POFUT3: variants seen among roughly 807,000 people sequenced by gnomAD.
POFUT3 encodes protein O-fucosyltransferase 3.
At chr8:33,322,323 C>G in the POFUT3 span, among the ~76,000 whole-genome samples, 11 of 152,146 alleles carry the variant, frequency 7.2e-5, no homozygotes, top group African/African-American at 2.6e-4. Context: ...CTAAGCTGCT[C>G]CTGAAAATGA....
chr8:33,449,935 CTT>C, the POFUT3 span, among the ~76,000 whole-genome samples: 13 of 112,346 alleles, frequency 1.2e-4, no homozygotes, highest in African/African-American at 2.1e-4. Context: ...TGAAGCTTTT[CTT>C]TTTTTTTTTT....
the POFUT3 span, among the ~76,000 whole-genome samples, chr8:33,454,717 G>T: frequency 4.0e-5 from 6 of 149,652 alleles, no homozygotes; most frequent in Non-Finnish European, 5.9e-5. Context: ...CTGTCACCTG[G>T]GTGCAGTGGC....
At chr8:33,401,504 G>A in the POFUT3 span, among the ~76,000 whole-genome samples, 1 of 152,060 alleles carries the variant, frequency 6.6e-6, no homozygotes, top group Non-Finnish European at 1.5e-5. Context: ...AATTTAAAAA[G>A]AAAATAAATA....
At chr8:33,352,191 T>C in the POFUT3 span, among the ~76,000 whole-genome samples, 7 of 152,278 alleles carry the variant, frequency 4.6e-5, no homozygotes, top group African/African-American at 1.7e-4. Flanking sequence ...CAAATAGCCA[T>C]GAAATTTCAC....
chr8:33,437,056 C>CCAGCTG, the POFUT3 span, among the ~76,000 whole-genome samples: 18 of 152,286 alleles, frequency 1.2e-4, 1 homozygote, highest in South Asian at 3.3e-3. Flanking sequence ...ATAATGGCCT[C>CCAGCTG]CAGCTGCAGC....
the POFUT3 span, among the ~76,000 whole-genome samples, chr8:33,437,598 G>C: frequency 9.2e-5 from 14 of 151,972 alleles, no homozygotes; most frequent in African/African-American, 3.1e-4. Flanking sequence ...ATCACTTGAG[G>C]TCAGGAGTTT....
the POFUT3 span, among the ~76,000 whole-genome samples, chr8:33,380,029 T>A: frequency 1.2e-4 from 9 of 77,126 alleles, 1 homozygote; most frequent in Non-Finnish European, 1.9e-4. Flanking sequence ...ATATATATAC[T>A]ATATATATAC....
At chr8:33,320,321 T>A in the POFUT3 span, among the ~76,000 whole-genome samples, 1 of 152,010 alleles carries the variant, frequency 6.6e-6, no homozygotes, top group Non-Finnish European at 1.5e-5. Context: ...AATGAGATAA[T>A]ATTCCAATAA....
the POFUT3 span, among the ~76,000 whole-genome samples, chr8:33,347,329 G>C: frequency 6.6e-6 from 1 of 152,080 alleles, no homozygotes; most frequent in African/African-American, 2.4e-5. Flanking sequence ...TGCAAATACT[G>C]TTTGTAGCTA....
At chr8:33,412,184 G>C in the POFUT3 span, among the ~76,000 whole-genome samples, 2 of 152,042 alleles carry the variant, frequency 1.3e-5, no homozygotes, top group Non-Finnish European at 2.9e-5. Flanking sequence ...TAAAACCCAC[G>C]GGCTTTGAAA....
the POFUT3 span, among the ~76,000 whole-genome samples, chr8:33,414,923 T>C: frequency 6.7e-6 from 1 of 149,400 alleles, no homozygotes; most frequent in African/African-American, 2.5e-5. Context: ...TGCTAGTTCA[T>C]CTCTTCCCCC....
At chr8:33,422,921 T>G in the POFUT3 span, among the ~76,000 whole-genome samples, 11 of 152,044 alleles carry the variant, frequency 7.2e-5, no homozygotes, top group African/African-American at 2.7e-4. Context: ...CCTCAAGCAA[T>G]GCTCCCACCT....
the POFUT3 span, among the ~76,000 whole-genome samples, chr8:33,462,175 A>T: frequency 1.0e-3 from 149 of 143,120 alleles, no homozygotes; most frequent in Non-Finnish European, 1.4e-3. Flanking sequence ...AAGGGACCAG[A>T]GTGGTGAATT....
chr8:33,400,226 C>G, the POFUT3 span, among the ~76,000 whole-genome samples: 6 of 150,488 alleles, frequency 4.0e-5, no homozygotes, highest in Non-Finnish European at 3.0e-5. Flanking sequence ...CTGAGGCAGG[C>G]AGATCACCTG....
At chr8:33,422,403 G>A in the POFUT3 span, among the ~76,000 whole-genome samples, 1 of 151,802 alleles carries the variant, frequency 6.6e-6, no homozygotes, top group African/African-American at 2.4e-5. Flanking sequence ...TTAGCCGGGT[G>A]TGGTGGTGGG....
At chr8:33,320,229 T>G in the POFUT3 span, among the ~76,000 whole-genome samples, 1 of 152,054 alleles carries the variant, frequency 6.6e-6, no homozygotes, top group Non-Finnish European at 1.5e-5. Flanking sequence ...TACACATTTT[T>G]GTGTTCACTT....
At chr8:33,397,895 TACTA>T in the POFUT3 span, among the ~76,000 whole-genome samples, 1 of 152,176 alleles carries the variant, frequency 6.6e-6, no homozygotes, top group African/African-American at 2.4e-5. Context: ...CAGAAGACAT[TACTA>T]ACTCAGAGAA....
chr8:33,356,134 G>A, the POFUT3 span, among the ~76,000 whole-genome samples: 5 of 152,094 alleles, frequency 3.3e-5, no homozygotes, highest in Admixed American at 1.3e-4. Context: ...ATAAACATAC[G>A]TGTGCATGTG....
the POFUT3 span, among the ~76,000 whole-genome samples, chr8:33,400,363 G>T: frequency 6.6e-6 from 1 of 152,058 alleles, no homozygotes; most frequent in African/African-American, 2.4e-5. Flanking sequence ...TGAGGCACAA[G>T]AATCACTTGA....
Sources: allele counts gnomAD v4.1 joint callset (sites outside exome capture counted in the v4.1 genomes callset), GRCh38; gene constraint gnomAD v4.1.1; transcripts MANE v1.5; gene names NCBI Gene and HGNC (gene_info 2026-07-23, HGNC 2026-07-21).